The following PRKACB variants were observed in gnomAD, a reference collection of about 807,000 sequenced individuals.
The protein encoded by PRKACB is cAMP-dependent protein kinase catalytic subunit beta.
PRKACB carries 16 observed loss-of-function variants against 51.4 expected under a neutral mutation model. That is an observed-to-expected ratio of 0.31 (90% confidence interval 0.21 to 0.47). The LOEUF (loss-of-function observed/expected upper bound fraction) is 0.47, where lower values mean the gene tolerates loss of function less well. Ranked by LOEUF, PRKACB falls within the 20% of genes least tolerant of loss-of-function variation. The probability of loss-of-function intolerance (pLI) is 1.00; values close to 1 mark genes in which losing one functional copy is unlikely to be tolerated. For synonymous variants in PRKACB, 147 were observed against 154.4 expected (o/e 0.95, Z 0.35); for missense variants, 309 against 464.5 (o/e 0.67, Z 3.08).
chr1:84,153,024 A>G (rs1655024827), intron 1 of PRKACB, among the ~76,000 whole-genome samples: 1 of 152,090 alleles, frequency 6.6e-6, no homozygotes, highest in African/African-American at 2.4e-5. Context: ...TCTGAACACT[A>G]AGAGGCCATT....
At chr1:84,138,105 C>A (rs1406326579) in intron 1 of PRKACB, among the ~76,000 whole-genome samples, 2 of 152,160 alleles carry the variant, frequency 1.3e-5, no homozygotes, top group African/African-American at 4.8e-5. Flanking sequence ...GTAAAAGGAA[C>A]TAAGGCTCCT....
rs945486888 is a variant in PRKACB, at chr1:84,230,839, C to G, written c.1072-4341C>G. On this transcript the variant is annotated intron_variant, in intron 9 of 9. Coordinates refer to ENST00000370685, the MANE Select transcript of PRKACB (RefSeq NM_182948.4). ...AGCTTAAGGAGATTTTGGGCTGAGA[C>G]AATGGGGTTTTCTAGATATACAATC... is the stretch of plus-strand genomic sequence containing the variant. Among the ~76,000 whole-genome samples the G allele has an allele frequency of 2.7e-5, 4 of 145,860 alleles. No individual in the cohort carries two copies. The East Asian group carries it at 8.7e-4, about 32-fold the overall frequency.
At chr1:84,167,042 C>T (rs1182623930) in intron 1 of PRKACB, among the ~76,000 whole-genome samples, 3 of 151,500 alleles carry the variant, frequency 2.0e-5, no homozygotes, top group African/African-American at 7.3e-5. Flanking sequence ...TGTTTCTTAC[C>T]CTCAGACATG....
At chr1:84,172,285 A>G (rs1659765372) in intron 1 of PRKACB, among the ~76,000 whole-genome samples, 1 of 151,844 alleles carries the variant, frequency 6.6e-6, no homozygotes, top group African/African-American at 2.4e-5. Flanking sequence ...AATCCTTGAC[A>G]TATGATTGTA....
intron 9 of PRKACB, among the ~76,000 whole-genome samples, chr1:84,218,601 G>A (rs1336779976): frequency 1.3e-5 from 2 of 152,098 alleles, no homozygotes; most frequent in Admixed American, 6.5e-5. Flanking sequence ...ATTATGCATA[G>A]TGCTGCAATA....
chr1:84,212,002 T>A (rs1211201044), intron 8 of PRKACB, among the ~76,000 whole-genome samples: 1 of 152,214 alleles, frequency 6.6e-6, no homozygotes, highest in African/African-American at 2.4e-5. Context: ...CCTGGTCATT[T>A]ATTAACTATT....
intron 1 of PRKACB, among the ~76,000 whole-genome samples, chr1:84,087,608 G>T (rs1027984245): frequency 1.3e-5 from 2 of 151,890 alleles, no homozygotes; most frequent in African/African-American, 2.4e-5. Context: ...TGTTGCCCAG[G>T]CTGGACTCAA....
rs184960244 is a variant in PRKACB at position 84,185,329 on chromosome 1, C to G, written c.560+147C>G. On this transcript the variant is annotated intron_variant, in intron 5 of 9. Coordinates refer to ENST00000370685, the MANE Select transcript of PRKACB (RefSeq NM_182948.4). Reference sequence around the variant, plus strand: ...TTAGGTGGAAACAAAGAGGCCACATCATACACAAGTTTTAATATAAAGAAT... The same window carrying G: ...TTAGGTGGAAACAAAGAGGCCACATGATACACAAGTTTTAATATAAAGAAT... 51 of 483,948 alleles carry G rather than the reference C, an allele frequency of 1.1e-4. No homozygotes were observed. In the East Asian group the frequency reaches 1.8e-3, roughly 18 times the overall value. 30.0% of individuals were successfully genotyped at this position (483,948 alleles called of 1,614,324 possible).
intron 1 of PRKACB, among the ~76,000 whole-genome samples, chr1:84,136,194 A>C (rs970160089): frequency 6.8e-6 from 1 of 148,068 alleles, no homozygotes; most frequent in African/African-American, 2.4e-5. Context: ...AGTGTAAATA[A>C]ATCTGAATGC....
chr1:84,192,521 C>T (rs1667087546), intron 5 of PRKACB, among the ~76,000 whole-genome samples: 1 of 151,662 alleles, frequency 6.6e-6, no homozygotes, highest in African/African-American at 2.4e-5. Flanking sequence ...AATAATATGC[C>T]AAAATAGCTG....
At chr1:84,123,551 G>T (rs1278217653) in intron 1 of PRKACB, among the ~76,000 whole-genome samples, 1 of 152,038 alleles carries the variant, frequency 6.6e-6, no homozygotes, top group African/African-American at 2.4e-5. Context: ...AAAAGAATTT[G>T]GGAAGGCTTA....
At chr1:84,224,203 G>A (rs1007792497) in intron 9 of PRKACB, among the ~76,000 whole-genome samples, 3 of 152,146 alleles carry the variant, frequency 2.0e-5, no homozygotes, top group African/African-American at 7.2e-5. Flanking sequence ...TCAGGCCCCA[G>A]TGGTGGTAGC....
chr1:84,134,783 G>C (rs1652622460), intron 1 of PRKACB, among the ~76,000 whole-genome samples: 2 of 152,130 alleles, frequency 1.3e-5, no homozygotes, highest in Non-Finnish European at 2.9e-5. Context: ...TTAAAAGACA[G>C]TTCAGAGTGG....
At chr1:84,186,093 G>A (rs1665008271) in intron 5 of PRKACB, among the ~76,000 whole-genome samples, 1 of 152,142 alleles carries the variant, frequency 6.6e-6, no homozygotes, top group Non-Finnish European at 1.5e-5. Flanking sequence ...GGTGAGTGAT[G>A]GTGGTGGGTC....
rs1664381489 is a variant in PRKACB, at chr1:84,184,022, A to C, written c.379-15A>C. On this transcript the variant is annotated splice_polypyrimidine_tract_variant and intron_variant, in intron 3 of 9. Transcript: ENST00000370685. ...TGCTTAAATACATTAAGAGATATTT[A>C]TCTCTCAATTACAGGTTGTTAAACT... 6.4e-7 allele frequency: 1 copy of C among 1,560,020 alleles called. No individual in the cohort carries two copies. The highest frequency in any genetic ancestry group is 2.0e-5 in the Admixed American group (1 of 49,852).
rs571835966 is a variant in PRKACB at position 84,203,282 on chromosome 1, A to G, written c.906+477A>G. Among the ~76,000 whole-genome samples the G allele has an allele frequency of 3.9e-5, 6 of 152,178 alleles. No homozygotes were observed. The East Asian group carries it at 7.7e-4, about 20-fold the overall frequency. On this transcript the variant is annotated intron_variant, in intron 8 of 9. Transcript: ENST00000370685. ...GGAAATTTATAGAATTGATTTTAAC[A>G]GAATTGTTCATATAGATTGTGATTA...
At chr1:84,171,678 G>C (rs1038538170) in intron 1 of PRKACB, among the ~76,000 whole-genome samples, 1 of 151,598 alleles carries the variant, frequency 6.6e-6, no homozygotes, top group African/African-American at 2.4e-5. Context: ...TCATTGTACT[G>C]TTAGTCATAA....
intron 8 of PRKACB, chr1:84,205,161 T>C (rs1205813266): frequency 1.0e-6 from 1 of 983,566 alleles, no homozygotes; most frequent in African/African-American, 1.7e-5. Flanking sequence ...TATAAAATTA[T>C]CCCCATCTCT....
At chr1:84,079,036 T>C (rs1321049570) in intron 1 of PRKACB, among the ~76,000 whole-genome samples, 1 of 152,204 alleles carries the variant, frequency 6.6e-6, no homozygotes, top group Non-Finnish European at 1.5e-5. Flanking sequence ...GGAGTTGAAG[T>C]GCTTCCAGAA....
Sources: gnomAD v4.1 joint callset for allele counts (sites outside exome capture counted in the v4.1 genomes callset) on GRCh38, gnomAD v4.1.1 for gene constraint, MANE v1.5 for transcripts, NCBI Gene and HGNC (gene_info 2026-07-23, HGNC 2026-07-21) for gene names.